The following FRAS1 variants were observed in gnomAD, a reference collection of about 807,000 sequenced individuals.
The protein encoded by FRAS1 is extracellular matrix organizing protein FRAS1.
FRAS1 carries 290 observed loss-of-function variants against 435.2 expected under a neutral mutation model. The observed-to-expected ratio is 0.67, with a 90% CI of 0.61 to 0.73. The LOEUF (loss-of-function observed/expected upper bound fraction) is 0.73. Among genes scored for constraint, FRAS1 ranks in the 30% least tolerant of loss-of-function variants. FRAS1 has a pLI of 0.00. For synonymous variants in FRAS1, 1,800 were observed against 1,851.0 expected (o/e 0.97, Z 0.71); for missense variants, 4,860 against 5,001.5 (o/e 0.97, Z 0.85).
chr4:78,160,441 T>C (rs375175172), intron 2 of FRAS1, among the ~76,000 whole-genome samples: 2 of 152,314 alleles, frequency 1.3e-5, no homozygotes, highest in East Asian at 1.9e-4. Context: ...GTGGGAACGT[T>C]TGGAAACGTT....
chr4:78,103,111 A>T (rs1169958202), intron 2 of FRAS1, among the ~76,000 whole-genome samples: 1 of 152,042 alleles, frequency 6.6e-6, no homozygotes, highest in Non-Finnish European at 1.5e-5. Flanking sequence ...TTTCAGGGGA[A>T]CTCTGAGGAA....
intron 73 of FRAS1, 126 bp downstream of exon 73, chr4:78,539,566 A>C: frequency 1.0e-6 from 1 of 953,772 alleles, no homozygotes; most frequent in Non-Finnish European, 1.6e-6. Flanking sequence ...TTGCTGGCAG[A>C]TCTTTTCTTA....
intron 29 of FRAS1, among the ~76,000 whole-genome samples, chr4:78,397,433 G>C (rs532602549): frequency 2.0e-5 from 3 of 152,176 alleles, no homozygotes; most frequent in Non-Finnish European, 2.9e-5. Context: ...GGGGACTGTT[G>C]ATGTGTGTGT....
At chr4:78,340,665 G>A (rs563536304) in intron 20 of FRAS1, among the ~76,000 whole-genome samples, 1 of 152,220 alleles carries the variant, frequency 6.6e-6, no homozygotes, top group Admixed American at 6.5e-5. Flanking sequence ...CCACAGACTG[G>A]GTGGCTCAAA....
At chr4:78,343,855 A>G (rs981856141) in intron 20 of FRAS1, among the ~76,000 whole-genome samples, 1 of 152,204 alleles carries the variant, frequency 6.6e-6, no homozygotes, top group Non-Finnish European at 1.5e-5. Context: ...CAGAGAAGTG[A>G]GAGCCAGTTC....
At chr4:78,152,827 T>C (rs1240858043) in intron 2 of FRAS1, among the ~76,000 whole-genome samples, 2 of 152,138 alleles carry the variant, frequency 1.3e-5, no homozygotes, top group Non-Finnish European at 2.9e-5. Flanking sequence ...CTGTCAGCAG[T>C]AATGTATTGC....
At chr4:78,273,410 T>G (rs1340553104) in intron 9 of FRAS1, among the ~76,000 whole-genome samples, 1 of 152,212 alleles carries the variant, frequency 6.6e-6, no homozygotes, top group Non-Finnish European at 1.5e-5. Context: ...AAGGGAATGC[T>G]TCCAGTTTTT....
intron 26 of FRAS1, chr4:78,379,503 G>A: frequency 2.0e-6 from 1 of 511,286 alleles, no homozygotes; most frequent in East Asian, 3.6e-5. Context: ...CAGGAATACC[G>A]AAGTTCCCTA....
At chr4:78,306,979 T>C (rs1013254645) in intron 14 of FRAS1, among the ~76,000 whole-genome samples, 1 of 152,222 alleles carries the variant, frequency 6.6e-6, no homozygotes, top group African/African-American at 2.4e-5. Context: ...CTCTGTTTTT[T>C]CCCCATCTTC....
Position 78,496,839 on chromosome 4 carries a change from C to T in FRAS1, c.8993C>T (p.Ser2998Phe), listed in dbSNP as rs755437827. 6.2e-7 allele frequency: 1 copy of T among 1,613,774 alleles called. No individual in the cohort carries two copies. ...TGTACGGTCTATATCCACGATGACT[C>T]CATGTTTGAGCCAGAGGAACAGTTC... Reference protein sequence around the residue: ...KNCTVYIHDDSMFEPEEQFRV... With the variant: ...KNCTVYIHDDFMFEPEEQFRV... Residue 2998 changes from serine to phenylalanine, a missense_variant, in exon 60 of 74, where the codon TCC becomes TTC. Ser to Phe is a radical substitution (Grantham distance 155). Transcript: ENST00000512123.
At chr4:78,291,603 CCTT>C (rs2110194769) in intron 14 of FRAS1, among the ~76,000 whole-genome samples, 1 of 152,262 alleles carries the variant, frequency 6.6e-6, no homozygotes, top group South Asian at 2.1e-4. Context: ...TTTCTATTGT[CCTT>C]CTTCCTTGTT....
At chr4:78,184,984 A>C (rs1006840753) in intron 2 of FRAS1, among the ~76,000 whole-genome samples, 1 of 152,076 alleles carries the variant, frequency 6.6e-6, no homozygotes, top group African/African-American at 2.4e-5. Context: ...TCACATCTTC[A>C]TTTTTCAGCA....
intron 2 of FRAS1, among the ~76,000 whole-genome samples, chr4:78,151,379 G>A (rs1720655489): frequency 6.6e-6 from 1 of 152,092 alleles, no homozygotes; most frequent in African/African-American, 2.4e-5. Context: ...TGGTCATTGA[G>A]ATATTGATAG....
At chr4:78,101,164 C>A (rs1256717333) in intron 2 of FRAS1, among the ~76,000 whole-genome samples, 1 of 151,806 alleles carries the variant, frequency 6.6e-6, no homozygotes, top group Non-Finnish European at 1.5e-5. Context: ...AAGGACCTTA[C>A]TCCACAGATC....
chr4:78,527,317 T>TATTCATTCATTCATTC (rs56229743), intron 70 of FRAS1, among the ~76,000 whole-genome samples: 196 of 150,652 alleles, frequency 1.3e-3, no homozygotes, highest in African/African-American at 4.5e-3. Context: ...TTGTGCTGTA[T>TATTCATTCATTCATTC]ATTCATTCAT....
At position 78,540,519 on chromosome 4, in the gene FRAS1, G is replaced by T. The variant is rs760017030; in HGVS notation, c.11446-12G>T. ...TGGGCAACAACAACATGTTCGGTTT[G>T]TCCCCCTGCAGGTGGAAGCAGGACA... On this transcript the variant is annotated splice_polypyrimidine_tract_variant and intron_variant, in intron 73 of 73. Coordinates refer to ENST00000512123, the MANE Select transcript of FRAS1 (RefSeq NM_025074.7). The T allele has an allele frequency of 1.4e-6, 2 of 1,480,430 alleles. No homozygotes were observed. Among genetic ancestry groups the T allele is most frequent in the Middle Eastern group, 1.8e-4 (1 of 5,516 alleles). The allele number at this position is 1,480,430 out of a possible 1,614,324, so 91.7% of individuals were successfully genotyped here.
chr4:78,397,361 C>T (rs940648517), intron 29 of FRAS1, among the ~76,000 whole-genome samples: 2 of 152,170 alleles, frequency 1.3e-5, no homozygotes, highest in African/African-American at 4.8e-5. Context: ...CCTTTATTTT[C>T]CTCATGTTAG....
At chr4:78,205,299 T>C (rs1202865020) in intron 2 of FRAS1, among the ~76,000 whole-genome samples, 1 of 151,672 alleles carries the variant, frequency 6.6e-6, no homozygotes, top group African/African-American at 2.4e-5. Context: ...GTTCATAGGC[T>C]CAAGCAATCC....
Position 78,374,249 on chromosome 4 carries a change from C to G in FRAS1, c.3149C>G (p.Thr1050Arg), listed in dbSNP as rs191260462. The change falls in exon 25 of 74, where the codon ACA becomes AGA. Residue 1050 changes from threonine to arginine, a missense_variant and splice_region_variant. Transcript: ENST00000512123. ...YFADHAKHKCTACPQGCLQCS... is the reference protein window; with the variant it reads ...YFADHAKHKCRACPQGCLQCS... The stretch of plus-strand genomic sequence containing the variant: ...GCAGATCATGCAAAGCACAAATGCA[C>G]AGGTAACTTGGAGACTGCTGATTAT... 2 of 1,572,676 alleles carry G rather than the reference C, an allele frequency of 1.3e-6. No individual in the cohort carries two copies. Among genetic ancestry groups the G allele is most frequent in the Non-Finnish European group, 1.7e-6 (2 of 1,155,098 alleles).
Sources: gnomAD v4.1 joint callset for allele counts (sites outside exome capture counted in the v4.1 genomes callset) on GRCh38, gnomAD v4.1.1 for gene constraint, MANE v1.5 for transcripts, NCBI Gene and HGNC (gene_info 2026-07-23, HGNC 2026-07-21) for gene names.